SCYL3: variants seen among roughly 807,000 people sequenced by gnomAD.
SCYL3 encodes SCY1 like pseudokinase 3.
In SCYL3, 35 loss-of-function variants were observed where a neutral mutation model predicts 73.8. The ratio of observed to expected loss-of-function variants is 0.47; its 90% CI spans 0.36 to 0.63. The LOEUF is 0.63. SCYL3 is among the 20% of genes least tolerant of loss of function. The pLI, the probability that SCYL3 is intolerant of heterozygous loss-of-function variation, is 0.00. For synonymous variants in SCYL3, 277 were observed against 295.2 expected, an observed-to-expected ratio of 0.94 and a Z score of 0.63; for missense variants, 712 against 798.9, an observed-to-expected ratio of 0.89 and a Z score of 1.31.
At chr1:169,861,332 A>G (rs1027278566) in intron 10 of SCYL3, among the ~76,000 whole-genome samples, 1 of 151,690 alleles carries the variant, frequency 6.6e-6, no homozygotes, top group African/African-American at 2.4e-5. Flanking sequence ...TTTTTTCTTT[A>G]GCCCTGGCCA....
chr1:169,862,390 A>G (rs78888728), intron 10 of SCYL3, among the ~76,000 whole-genome samples: 10,148 of 152,334 alleles, frequency 0.067, 434 homozygotes, highest in Non-Finnish European at 0.099. Context: ...CCCAAAATTA[A>G]CAAACAATTA....
Position 169,852,043 on chromosome 1 carries a change from A to G in SCYL3, c.*1670T>C, listed in dbSNP as rs1558105320. On this transcript the variant is annotated 3_prime_UTR_variant, in exon 13 of 13. Coordinates refer to ENST00000367771, the MANE Select transcript of SCYL3 (RefSeq NM_020423.7). Reference sequence around the variant, plus strand: ...GGTTTCCAGCCTTATGCTGAATTTCAAATCAAATAGATCTAGACATGTAAA... The same window carrying G: ...GGTTTCCAGCCTTATGCTGAATTTCGAATCAAATAGATCTAGACATGTAAA... 1 of 1,483,886 alleles carries G rather than the reference A, an allele frequency of 6.7e-7. No individual in the cohort carries two copies. The highest frequency in any genetic ancestry group is 1.8e-5 in the Admixed American group (1 of 56,710). 91.9% of individuals were successfully genotyped at this position (1,483,886 alleles called of 1,614,324 possible).
intron 10 of SCYL3, 66 bp from the exon 11 acceptor site, chr1:169,859,278 G>C: frequency 6.9e-7 from 1 of 1,448,528 alleles, no homozygotes; most frequent in South Asian, 1.3e-5. Flanking sequence ...CCCTGTAAAT[G>C]AGCAATTGGG....
intron 10 of SCYL3, chr1:169,860,102 C>CCAT (rs1187201048): frequency 3.3e-5 from 5 of 152,210 alleles, no homozygotes; most frequent in Admixed American, 6.5e-5. Context: ...TATGGGACAA[C>CCAT]CATTTTGGCC....
intron 5 of SCYL3, 26 bp from the exon 6 acceptor site, chr1:169,870,383 C>CTA: frequency 6.7e-7 from 1 of 1,487,548 alleles, no homozygotes; most frequent in Non-Finnish European, 9.4e-7. Flanking sequence ...ACAATTAAAA[C>CTA]TAGAGGATCT....
rs73024227 is a variant in SCYL3, at chr1:169,864,283, C to T, written c.955+86G>A. ...TTTTTAGAACCAAACATTAACTACA[C>T]CACACAGTAATCTCATCCTGCTCAA... On this transcript the variant is annotated intron_variant, in intron 9 of 12. Coordinates refer to ENST00000367771, the MANE Select transcript of SCYL3 (RefSeq NM_020423.7). 7.8e-4 allele frequency: 1,209 copies of T among 1,544,128 alleles called. 11 individuals carry two copies. In the African/African-American group the frequency reaches 0.014, roughly 18 times the overall value.
intron 1 of SCYL3, among the ~76,000 whole-genome samples, chr1:169,892,818 T>C (rs925445365): frequency 1.3e-5 from 2 of 152,242 alleles, no homozygotes; most frequent in African/African-American, 2.4e-5. Context: ...CCGTGTGCTC[T>C]ATGGAAATGT....
At chr1:169,853,825 A>C in intron 12 of SCYL3, 53 bp from the exon 13 acceptor site, 1 of 1,590,406 alleles carries the variant, frequency 6.3e-7, no homozygotes, top group African/African-American at 1.4e-5. Context: ...CATATGCAAA[A>C]ATCATACGCA....
At chr1:169,865,037 C>G (rs552601965) in intron 8 of SCYL3, among the ~76,000 whole-genome samples, 1 of 151,628 alleles carries the variant, frequency 6.6e-6, no homozygotes, top group East Asian at 1.9e-4. Flanking sequence ...CAATTCACAC[C>G]AGGAAATGTT....
intron 5 of SCYL3, among the ~76,000 whole-genome samples, chr1:169,872,370 C>T (rs1366216415): frequency 6.6e-6 from 1 of 152,260 alleles, no homozygotes; most frequent in African/African-American, 2.4e-5. Context: ...GGTTTGGGAA[C>T]CTCCACCTAG....
chr1:169,878,842 G>A (rs780958923), intron 2 of SCYL3, 23 bp from the exon 3 acceptor site: 4 of 1,590,352 alleles, frequency 2.5e-6, no homozygotes, highest in Middle Eastern at 1.7e-4. Context: ...AAACCGAAGA[G>A]CTGAAGTTAA....
At chr1:169,856,029 G>A (rs1394951823) in intron 11 of SCYL3, 1 of 1,428,418 alleles carries the variant, frequency 7.0e-7, no homozygotes, top group Non-Finnish European at 9.7e-7. Flanking sequence ...CATGGTTGGT[G>A]GGCATAGTTA....
At position 169,881,809 on chromosome 1, in the gene SCYL3, G is replaced by T. The variant is rs74826158; in HGVS notation, c.166-2990C>A. 1.4e-3 allele frequency among the ~76,000 whole-genome samples: 217 copies of T among 152,172 alleles called. 1 individual carries two copies. Among genetic ancestry groups the T allele is most frequent in the African/African-American group, 5.0e-3 (209 of 41,502 alleles). ...GGACCAGGGGTGGGGGGATTATTTC[G>T]GGATGAGACTGTTCTACCTCAAATC... is the stretch of plus-strand genomic sequence containing the variant. On this transcript the variant is annotated intron_variant, in intron 2 of 12. Coordinates refer to ENST00000367771, the MANE Select transcript of SCYL3 (RefSeq NM_020423.7).
intron 10 of SCYL3, 31 bp from the exon 11 acceptor site, chr1:169,859,243 A>T: frequency 6.3e-7 from 1 of 1,591,392 alleles, no homozygotes. Context: ...AAGGGTTGAC[A>T]ACCACAATAC....
chr1:169,877,742 T>C (rs6692451), intron 3 of SCYL3, among the ~76,000 whole-genome samples: 30,639 of 152,112 alleles, frequency 0.2, 3,584 homozygotes, highest in African/African-American at 0.33. Flanking sequence ...ACCCACATAC[T>C]GTACAAACTT....
At chr1:169,888,238 C>T (rs1204954773) in intron 2 of SCYL3, among the ~76,000 whole-genome samples, 1 of 152,240 alleles carries the variant, frequency 6.6e-6, no homozygotes, top group Non-Finnish European at 1.5e-5. Flanking sequence ...AATGCACTGG[C>T]ACCCTCTGCC....
chr1:169,864,152 C>G (rs970957744), intron 9 of SCYL3, among the ~76,000 whole-genome samples: 5 of 152,180 alleles, frequency 3.3e-5, no homozygotes, highest in Non-Finnish European at 7.3e-5. Flanking sequence ...ATAACACTTA[C>G]TATAGTAAAT....
Position 169,859,056 on chromosome 1 carries a change from C to G in SCYL3, c.1297G>C (p.Asp433His). ...RTAPSFTKNTDLSLEGDPFSQ... is the reference protein window; with the variant it reads ...RTAPSFTKNTHLSLEGDPFSQ... ...TAATTCTTACCTTCTAGAGAAAGGT[C>G]AGTATTTTTAGTAAAACTTGGGGCA... Residue 433 changes from aspartate (D) to histidine (H), a missense_variant, in exon 11 of 13, where the codon GAC becomes CAC. Physicochemically the swap from Asp to His is moderately conservative, Grantham distance 81 (BLOSUM62 -1). Around this residue, in one of 2 missense-constraint regions of SCYL3, gnomAD observed 370 missense variants for 350.8 expected, o/e 1.05. Coordinates refer to ENST00000367771, the MANE Select transcript of SCYL3 (RefSeq NM_020423.7). The G allele has an allele frequency of 6.2e-7, 1 of 1,613,052 alleles. No individual in the cohort carries two copies. Among genetic ancestry groups the G allele is most frequent in the Non-Finnish European group, 8.5e-7 (1 of 1,179,742 alleles).
chr1:169,892,076 C>A (rs1383766882), intron 1 of SCYL3, among the ~76,000 whole-genome samples: 1 of 152,164 alleles, frequency 6.6e-6, no homozygotes, highest in African/African-American at 2.4e-5. Flanking sequence ...TCCACTGATA[C>A]CATCAGTGTA....
Sources: allele counts gnomAD v4.1 joint callset (sites outside exome capture counted in the v4.1 genomes callset), GRCh38; gene constraint gnomAD v4.1.1; regional missense constraint gnomAD v4.1.1; transcripts MANE v1.5; gene names NCBI Gene and HGNC (gene_info 2026-07-23, HGNC 2026-07-21).